DPY19L4: variants seen among roughly 807,000 people sequenced by gnomAD.
The protein encoded by DPY19L4 is dpy-19 like 4.
In DPY19L4, 97 loss-of-function variants were observed where a neutral mutation model predicts 102.8. The ratio of observed to expected loss-of-function variants is 0.94; its 90% CI spans 0.80 to 1.12. The LOEUF (loss-of-function observed/expected upper bound fraction) is 1.12. Ranked by LOEUF, DPY19L4 falls within the 50% of genes most tolerant of loss-of-function variation. The probability of loss-of-function intolerance (pLI) is 0.00; values close to 1 mark genes in which losing one functional copy is unlikely to be tolerated. For synonymous variants in DPY19L4, 252 were observed against 283.1 expected, an observed-to-expected ratio of 0.89 and a Z score of 1.10; for missense variants, 815 against 850.4, an observed-to-expected ratio of 0.96 and a Z score of 0.52.
Position 94,782,815 on chromosome 8 carries a change from T to C in DPY19L4, c.1716-855T>C, listed in dbSNP as rs576620528. On this transcript the variant is annotated intron_variant, in intron 16 of 18. Coordinates refer to ENST00000414645, the MANE Select transcript of DPY19L4 (RefSeq NM_181787.3). ...ATTAATACTTTTTGTAAATTCTGTT[T>C]TCTATTGTTGAACACTGCCTTGTGT... Among the ~76,000 whole-genome samples, 3 of 152,350 alleles carry C rather than the reference T, an allele frequency of 2.0e-5. No homozygotes were observed. The South Asian group carries it at 6.2e-4, about 32-fold the overall frequency.
chr8:94,786,301 T>C (rs1813647865), intron 17 of DPY19L4, among the ~76,000 whole-genome samples: 2 of 151,882 alleles, frequency 1.3e-5, no homozygotes, highest in African/African-American at 4.8e-5. Context: ...TAATTTTTTA[T>C]GTTAGTAGAG....
At chr8:94,764,645 A>G (rs1333839351) in intron 8 of DPY19L4, among the ~76,000 whole-genome samples, 1 of 134,566 alleles carries the variant, frequency 7.4e-6, no homozygotes, top group Non-Finnish European at 1.6e-5. Context: ...TATTATATAT[A>G]TATGTATGTA....
chr8:94,759,961 G>A (rs1812332499), intron 7 of DPY19L4, among the ~76,000 whole-genome samples: 1 of 152,196 alleles, frequency 6.6e-6, no homozygotes, highest in Non-Finnish European at 1.5e-5. Context: ...ATTGAAGCCT[G>A]TTTGATGTAT....
chr8:94,781,372 G>A (rs550357974), intron 16 of DPY19L4, among the ~76,000 whole-genome samples: 34 of 151,904 alleles, frequency 2.2e-4, no homozygotes, highest in African/African-American at 7.3e-4. Context: ...AGCATTGGTC[G>A]GTATAAGATT....
At chr8:94,760,605 G>T (rs546109014) in intron 7 of DPY19L4, among the ~76,000 whole-genome samples, 1 of 152,320 alleles carries the variant, frequency 6.6e-6, no homozygotes, top group Admixed American at 6.5e-5. Flanking sequence ...AGTATAGTCA[G>T]CTGAGTATGA....
intron 1 of DPY19L4, among the ~76,000 whole-genome samples, chr8:94,725,979 T>C (rs1388886340): frequency 6.6e-6 from 1 of 152,178 alleles, no homozygotes; most frequent in Non-Finnish European, 1.5e-5. Flanking sequence ...AAATTATGCA[T>C]TTGATACTTT....
chr8:94,728,323 G>C (rs554165664), intron 2 of DPY19L4, among the ~76,000 whole-genome samples: 1 of 152,230 alleles, frequency 6.6e-6, no homozygotes, highest in Non-Finnish European at 1.5e-5. Flanking sequence ...CTTACTCTGG[G>C]ATAAGGAATC....
intron 12 of DPY19L4, among the ~76,000 whole-genome samples, chr8:94,770,054 A>C (rs914464935): frequency 1.3e-5 from 2 of 151,862 alleles, no homozygotes; most frequent in Admixed American, 1.3e-4. Flanking sequence ...TGCCCGGCTA[A>C]TTTTTATATT....
chr8:94,761,645 G>A (rs1207503729), intron 7 of DPY19L4, 55 bp from the exon 8 acceptor site: 1 of 1,451,664 alleles, frequency 6.9e-7, no homozygotes, highest in East Asian at 2.4e-5. Context: ...AGTCTCATAG[G>A]CTTTTATTGT....
chr8:94,727,068 C>G (rs75966154), intron 2 of DPY19L4, among the ~76,000 whole-genome samples: 5,157 of 152,254 alleles, frequency 0.034, 284 homozygotes, highest in African/African-American at 0.12. Context: ...TTATCTACAT[C>G]AGGGCCAGCT....
chr8:94,743,339 A>G (rs770402128), intron 6 of DPY19L4, among the ~76,000 whole-genome samples: 25 of 151,992 alleles, frequency 1.6e-4, no homozygotes, highest in Non-Finnish European at 3.1e-4. Flanking sequence ...CAATTCTTGT[A>G]TTTTAAAGTG....
At chr8:94,744,123 T>G (rs949327396) in intron 6 of DPY19L4, among the ~76,000 whole-genome samples, 2 of 152,220 alleles carry the variant, frequency 1.3e-5, no homozygotes, top group African/African-American at 4.8e-5. Flanking sequence ...CATATTTCGG[T>G]GGGTCAGGAA....
In DPY19L4 at chr8:94,719,997, C is replaced by T. The variant is rs1470842352; in HGVS notation, c.-2C>T. 2.0e-6 allele frequency: 3 copies of T among 1,529,630 alleles called. No individual in the cohort carries two copies. The highest frequency in any genetic ancestry group is 8.8e-7 in the Non-Finnish European group (1 of 1,139,766). 94.8% of individuals were successfully genotyped at this position (1,529,630 alleles called of 1,614,324 possible). A position where few individuals can be genotyped will look rare whatever the true frequency, so the allele number is the denominator to read the frequency against. ...CAGGGCGCCCTAGCCTTCGCAGAAA[C>T]GATGGCGGAGGAAGAAGGTGATTGC... On this transcript the variant is annotated 5_prime_UTR_variant, in exon 1 of 19. It adds an upstream start codon to the 5' untranslated region. Transcript: ENST00000414645.
At chr8:94,748,861 C>A (rs1434370215) in intron 6 of DPY19L4, among the ~76,000 whole-genome samples, 2 of 152,018 alleles carry the variant, frequency 1.3e-5, no homozygotes, top group African/African-American at 4.8e-5. Context: ...CAATTTCATC[C>A]CCAAACCATC....
chr8:94,745,262 A>ACTCC (rs1811621344), intron 6 of DPY19L4, among the ~76,000 whole-genome samples: 1 of 152,036 alleles, frequency 6.6e-6, no homozygotes, highest in Non-Finnish European at 1.5e-5. Flanking sequence ...GAGGTGAGTG[A>ACTCC]CTCCCTTTGA....
At chr8:94,749,412 G>GCAGCAGTC (rs1811821634) in intron 6 of DPY19L4, among the ~76,000 whole-genome samples, 2 of 152,160 alleles carry the variant, frequency 1.3e-5, no homozygotes, top group Admixed American at 1.3e-4. Flanking sequence ...GGTGTACTCG[G>GCAGCAGTC]CAGCAGTCCA....
intron 6 of DPY19L4, among the ~76,000 whole-genome samples, chr8:94,743,830 AC>A (rs753028409): frequency 9.2e-5 from 14 of 151,964 alleles, no homozygotes; most frequent in Admixed American, 4.6e-4. Context: ...ACATGGTGAA[AC>A]CCCATCTCCT....
chr8:94,784,355 C>T (rs1041606850), intron 17 of DPY19L4, among the ~76,000 whole-genome samples: 2 of 152,236 alleles, frequency 1.3e-5, no homozygotes, highest in Admixed American at 6.5e-5. Flanking sequence ...GAATTACAGG[C>T]ACCTGCCACC....
chr8:94,740,120 A>G (rs1811379064), intron 6 of DPY19L4, among the ~76,000 whole-genome samples: 1 of 152,222 alleles, frequency 6.6e-6, no homozygotes, highest in African/African-American at 2.4e-5. Context: ...TGATATTGTA[A>G]GAGGACTACA....
Sources: gnomAD v4.1 joint callset for allele counts (sites outside exome capture counted in the v4.1 genomes callset) on GRCh38, gnomAD v4.1.1 for gene constraint, MANE v1.5 for transcripts, NCBI Gene and HGNC (gene_info 2026-07-23, HGNC 2026-07-21) for gene names.